FOXP1: variants seen among roughly 807,000 people sequenced by gnomAD.
The protein encoded by FOXP1 is forkhead box P1.
In FOXP1, 15 loss-of-function variants were observed where a neutral mutation model predicts 98.2. That is an observed-to-expected ratio of 0.15 (90% confidence interval 0.10 to 0.24). The LOEUF is 0.24. FOXP1 is among the 10% of genes least tolerant of loss of function. The pLI, the probability that FOXP1 is intolerant of heterozygous loss-of-function variation, is 1.00. For missense variants in FOXP1, 633 were observed against 848.5 expected (o/e 0.75, Z 3.15); for synonymous variants, 371 against 314.5 (o/e 1.18, Z -1.90).
At chr3:71,076,896 T>C (rs575516256) in intron 7 of FOXP1, among the ~76,000 whole-genome samples, 1 of 152,338 alleles carries the variant, frequency 6.6e-6, no homozygotes, top group African/African-American at 2.4e-5. Context: ...TCAACTGTGA[T>C]TGCTAAGCTT....
At chr3:71,350,937 C>T (rs1009099889) in intron 4 of FOXP1, among the ~76,000 whole-genome samples, 1 of 152,062 alleles carries the variant, frequency 6.6e-6, no homozygotes, top group Non-Finnish European at 1.5e-5. Context: ...CATCCTAGGC[C>T]AAGCAGGACC....
chr3:71,547,113 G>T (rs1033099298), intron 2 of FOXP1, among the ~76,000 whole-genome samples: 2 of 152,158 alleles, frequency 1.3e-5, no homozygotes, highest in Non-Finnish European at 2.9e-5. Context: ...ATACAAAAAG[G>T]TTCAAGGGGG....
At chr3:71,182,822 G>A (rs938295835) in intron 6 of FOXP1, among the ~76,000 whole-genome samples, 6 of 151,972 alleles carry the variant, frequency 3.9e-5, no homozygotes, top group Non-Finnish European at 8.8e-5. Context: ...AGGAATTACA[G>A]GCATGAGCCG....
intron 1 of FOXP1, chr3:71,582,719 G>A (rs2048283942): frequency 1.0e-6 from 1 of 985,396 alleles, no homozygotes; most frequent in Non-Finnish European, 1.2e-6. Context: ...GGCCACGGCT[G>A]TTGCGGACTC....
chr3:71,553,014 A>G (rs1324619532), intron 2 of FOXP1, among the ~76,000 whole-genome samples: 1 of 152,118 alleles, frequency 6.6e-6, no homozygotes, highest in Non-Finnish European at 1.5e-5. Flanking sequence ...AATTGCCTAC[A>G]GTATCCTTCA....
At chr3:71,396,232 T>C (rs1011548873) in intron 3 of FOXP1, among the ~76,000 whole-genome samples, 5 of 152,078 alleles carry the variant, frequency 3.3e-5, no homozygotes, top group African/African-American at 9.7e-5. Flanking sequence ...CCTGAAACTT[T>C]TGGAGCTGCC....
chr3:71,103,391 G>A (rs1384107348), intron 7 of FOXP1, among the ~76,000 whole-genome samples: 1 of 151,078 alleles, frequency 6.6e-6, no homozygotes, highest in Non-Finnish European at 1.5e-5. Context: ...AACAGATATT[G>A]CCTTGTGATT....
At chr3:71,267,633 A>T (rs2069830494) in intron 5 of FOXP1, among the ~76,000 whole-genome samples, 1 of 152,252 alleles carries the variant, frequency 6.6e-6, no homozygotes, top group African/African-American at 2.4e-5. Context: ...AGGGTGGCAG[A>T]TGTAATTATG....
At position 71,111,643 on chromosome 3, in the gene FOXP1, C is replaced by G. The variant is rs548447436; in HGVS notation, c.282+893G>C. On this transcript the variant is annotated intron_variant, in intron 7 of 20. Transcript: ENST00000649528. ...CGAACTCCTGACCTCAAGTGATCCGCCTGCCTCAGCTTCCCAAAGTGCTGG... is the reference window on the plus strand; with the variant it reads ...CGAACTCCTGACCTCAAGTGATCCGGCTGCCTCAGCTTCCCAAAGTGCTGG... Among the ~76,000 whole-genome samples, 3 of 152,290 alleles carry G rather than the reference C, an allele frequency of 2.0e-5. No individual in the cohort carries two copies. In the South Asian group the frequency reaches 6.2e-4, roughly 32 times the overall value.
Position 71,441,766 on chromosome 3 carries a change from G to A in FOXP1, c.-168+51660C>T, listed in dbSNP as rs543608096. Among the ~76,000 whole-genome samples the A allele has an allele frequency of 7.2e-5, 11 of 152,282 alleles. No individual in the cohort carries two copies. In the South Asian group the frequency reaches 2.3e-3, roughly 32 times the overall value. On this transcript the variant is annotated intron_variant, in intron 3 of 20. Coordinates refer to ENST00000649528, the MANE Select transcript of FOXP1 (RefSeq NM_001349338.3). ...AGGGCACCAGTGCTCAACAAGACAC[G>A]CTATAGAGAACACTGGCACTGGGAA...
intron 10 of FOXP1, among the ~76,000 whole-genome samples, chr3:71,041,873 AAAG>A (rs753594876): frequency 1.3e-5 from 2 of 152,222 alleles, no homozygotes; most frequent in African/African-American, 2.4e-5. Flanking sequence ...TTTTAGACAC[AAAG>A]AAGGGCTCAA....
Position 71,447,897 on chromosome 3 carries a change from T to C in FOXP1, c.-168+45529A>G, listed in dbSNP as rs927504412. On this transcript the variant is annotated intron_variant, in intron 3 of 20. Coordinates refer to ENST00000649528, the MANE Select transcript of FOXP1 (RefSeq NM_001349338.3). ...CAGTATACTTACAACTATGCAAGTA[T>C]AGAATCAGCCAGAGACAAGTGTAGA... is the stretch of plus-strand genomic sequence containing the variant. Among the ~76,000 whole-genome samples, 4 of 152,306 alleles carry C rather than the reference T, an allele frequency of 2.6e-5. No individual in the cohort carries two copies. The East Asian group carries it at 5.8e-4, about 22-fold the overall frequency.
intron 2 of FOXP1, among the ~76,000 whole-genome samples, chr3:71,511,516 C>T (rs145916788): frequency 6.6e-6 from 1 of 151,884 alleles, no homozygotes; most frequent in Non-Finnish European, 1.5e-5. Flanking sequence ...AAAAAAATTA[C>T]CCCAACCCCA....
At chr3:71,194,659 T>C (rs1173883376) in intron 6 of FOXP1, among the ~76,000 whole-genome samples, 1 of 151,978 alleles carries the variant, frequency 6.6e-6, no homozygotes, top group Non-Finnish European at 1.5e-5. Flanking sequence ...GCAGTGCACA[T>C]CCAATACAAC....
At chr3:71,195,385 T>C (rs2063234557) in intron 6 of FOXP1, among the ~76,000 whole-genome samples, 1 of 152,194 alleles carries the variant, frequency 6.6e-6, no homozygotes, top group South Asian at 2.1e-4. Context: ...TTTTATATCC[T>C]GGCACTGAGT....
rs908462861 is a variant in FOXP1 at position 70,957,573 on chromosome 3, G to A, written c.*1674C>T. ...ATAAATTAAGCTTCGAAAGGCTCTC[G>A]AACTAAAAAAAACTACAGTCCTATA... On this transcript the variant is annotated 3_prime_UTR_variant, in exon 21 of 21. Coordinates refer to ENST00000649528, the MANE Select transcript of FOXP1 (RefSeq NM_001349338.3). 5 of 231,946 alleles carry A rather than the reference G, an allele frequency of 2.2e-5. No homozygotes were observed. The highest frequency in any genetic ancestry group is 8.8e-5 in the African/African-American group (4 of 45,200). The allele number at this position is 231,946 out of a possible 1,614,324, so 14.4% of individuals were successfully genotyped here. A position where few individuals can be genotyped will look rare whatever the true frequency, so the allele number is the denominator to read the frequency against.
rs574026594 is a variant in FOXP1, at chr3:71,316,870, A to T, written c.-72-16990T>A. Among the ~76,000 whole-genome samples the T allele has an allele frequency of 6.1e-4, 93 of 151,930 alleles. 1 individual carries two copies. The highest frequency in any genetic ancestry group is 1.3e-3 in the Non-Finnish European group (85 of 67,984). On this transcript the variant is annotated intron_variant, in intron 4 of 20. Transcript: ENST00000649528. ...ACGGGGTTTTACCATGTTAACCAGG[A>T]TGGTCTCTATTTCCTAACCTCGTGA... is the stretch of plus-strand genomic sequence containing the variant.
intron 5 of FOXP1, among the ~76,000 whole-genome samples, chr3:71,267,904 G>C (rs1311459281): frequency 6.6e-6 from 1 of 151,526 alleles, no homozygotes; most frequent in Non-Finnish European, 1.5e-5. Flanking sequence ...TGTAATCCCA[G>C]CTATTCGGGA....
At chr3:70,977,312 A>AAACATTTCACTAGCTGATTAAAGCTCAGT (rs1261430811) in intron 16 of FOXP1, among the ~76,000 whole-genome samples, 4 of 152,216 alleles carry the variant, frequency 2.6e-5, no homozygotes, top group Non-Finnish European at 5.9e-5. Flanking sequence ...GAGAAATGCA[A>AAACATTTCACTAGCTGATTAAAGCTCAGT]AACATTTCAC....
Sources: gnomAD v4.1 joint callset for allele counts (sites outside exome capture counted in the v4.1 genomes callset) on GRCh38, gnomAD v4.1.1 for gene constraint, MANE v1.5 for transcripts, NCBI Gene and HGNC (gene_info 2026-07-23, HGNC 2026-07-21) for gene names.